CCDC198: variants seen among roughly 807,000 people sequenced by gnomAD.
The protein encoded by CCDC198 is coiled-coil domain containing 198.
In CCDC198, 18 loss-of-function variants were observed where a neutral mutation model predicts 35.6. That is an observed-to-expected ratio of 0.51 (90% confidence interval 0.35 to 0.75). CCDC198 has a LOEUF of 0.75. Among genes scored for constraint, CCDC198 ranks in the 30% least tolerant of loss-of-function variants. The pLI, the probability that CCDC198 is intolerant of heterozygous loss-of-function variation, is 0.01. For synonymous variants in CCDC198, 119 were observed against 113.4 expected (o/e 1.05, Z -0.31); for missense variants, 365 against 343.7 (o/e 1.06, Z -0.49).
chr14:57,483,330 A>C, intron 2 of CCDC198, 179 bp from the exon 3 acceptor site: 1 of 868,782 alleles, frequency 1.2e-6, no homozygotes, highest in African/African-American at 1.7e-5. Flanking sequence ...TTTTCAACCT[A>C]TCTGGGTTCT....
chr14:57,485,003 G>T (rs2067309404), intron 2 of CCDC198, among the ~76,000 whole-genome samples: 1 of 152,128 alleles, frequency 6.6e-6, no homozygotes, highest in South Asian at 2.1e-4. Flanking sequence ...GTTAGTAAAG[G>T]GGAGTAGAGT....
chr14:57,487,142 C>T (rs545598273), intron 2 of CCDC198, among the ~76,000 whole-genome samples: 16 of 152,292 alleles, frequency 1.1e-4, no homozygotes, highest in African/African-American at 3.9e-4. Flanking sequence ...TGCCTCACTT[C>T]ATCATCTTCA....
chr14:57,481,337 C>T (rs568788331), intron 4 of CCDC198, among the ~76,000 whole-genome samples: 4 of 152,256 alleles, frequency 2.6e-5, no homozygotes, highest in South Asian at 4.1e-4. Context: ...TGGAGACTTG[C>T]GACACAGATA....
chr14:57,484,432 C>G (rs2067289298), intron 2 of CCDC198, among the ~76,000 whole-genome samples: 2 of 152,260 alleles, frequency 1.3e-5, no homozygotes, highest in South Asian at 4.2e-4. Context: ...AGTCGTGGAA[C>G]AGATCTTCCT....
At chr14:57,486,677 G>A (rs2067371176) in intron 2 of CCDC198, among the ~76,000 whole-genome samples, 1 of 151,978 alleles carries the variant, frequency 6.6e-6, no homozygotes, top group South Asian at 2.1e-4. Context: ...TTTTTATGTG[G>A]AATATTTTTG....
At chr14:57,484,507 A>G (rs947539222) in intron 2 of CCDC198, among the ~76,000 whole-genome samples, 3 of 152,198 alleles carry the variant, frequency 2.0e-5, no homozygotes, top group African/African-American at 7.2e-5. Context: ...AAACTAAGGC[A>G]GGAGGGAAAG....
chr14:57,478,774 G>A (rs1454183592), intron 5 of CCDC198: 11 of 1,098,422 alleles, frequency 1.0e-5, no homozygotes, highest in African/African-American at 4.9e-5. Flanking sequence ...GATGCCCCAA[G>A]TAGATTTTCA....
At chr14:57,483,193 A>G (rs968407886) in intron 2 of CCDC198, 42 bp from the exon 3 acceptor site, 5 of 1,613,602 alleles carry the variant, frequency 3.1e-6, no homozygotes, top group Non-Finnish European at 2.5e-6. Flanking sequence ...TCCTCATGCC[A>G]TGAGATGATG....
At chr14:57,486,005 A>G (rs2067346296) in intron 2 of CCDC198, among the ~76,000 whole-genome samples, 1 of 152,174 alleles carries the variant, frequency 6.6e-6, no homozygotes, top group Non-Finnish European at 1.5e-5. Context: ...CTGCTGGCAC[A>G]AGAGGCAGCT....
chr14:57,482,734 C>T (rs2067229523), intron 3 of CCDC198, among the ~76,000 whole-genome samples: 1 of 152,144 alleles, frequency 6.6e-6, no homozygotes, highest in African/African-American at 2.4e-5. Flanking sequence ...AAAGGGAGGA[C>T]TTATGCTGAA....
intron 1 of CCDC198, among the ~76,000 whole-genome samples, chr14:57,492,613 A>G (rs2067613456): frequency 1.3e-5 from 2 of 151,958 alleles, no homozygotes; most frequent in African/African-American, 2.4e-5. Context: ...AAACAACCAA[A>G]CGTTATCAAT....
intron 1 of CCDC198, among the ~76,000 whole-genome samples, chr14:57,492,180 G>A (rs551214462): frequency 6.6e-6 from 1 of 151,842 alleles, no homozygotes; most frequent in Non-Finnish European, 1.5e-5. Flanking sequence ...CTGATTACAA[G>A]TGAAAAAAAT....
intron 3 of CCDC198, 94 bp downstream of exon 3, chr14:57,482,971 G>C: frequency 6.7e-7 from 1 of 1,498,548 alleles, no homozygotes; most frequent in South Asian, 1.1e-5. Context: ...CCTCCATGCA[G>C]AGAGTGCATG....
chr14:57,493,146 G>T (rs543780026), intron 1 of CCDC198, among the ~76,000 whole-genome samples: 2 of 152,118 alleles, frequency 1.3e-5, no homozygotes, highest in African/African-American at 4.8e-5. Flanking sequence ...ACTGAAACGC[G>T]ATTGCTATCA....
At position 57,493,740 on chromosome 14, in the gene CCDC198, A is replaced by G. The variant is rs1566598017; in HGVS notation, c.-25T>C. The G allele has an allele frequency of 1.9e-6, 3 of 1,572,250 alleles. No individual in the cohort carries two copies. The highest frequency in any genetic ancestry group is 2.7e-5 in the African/African-American group (2 of 74,384). On this transcript the variant is annotated 5_prime_UTR_variant, in exon 1 of 6. Coordinates refer to ENST00000216445, the MANE Select transcript of CCDC198 (RefSeq NM_018168.4). ...TTTCATGTGAAAGACATTCAGAGGA[A>G]AGCTGCGAGGGAAGTGGTTTTGGGG...
chr14:57,487,450 G>T (rs2067404604), intron 2 of CCDC198, among the ~76,000 whole-genome samples: 1 of 152,114 alleles, frequency 6.6e-6, no homozygotes, highest in Admixed American at 6.6e-5. Context: ...TATCCAAGGA[G>T]ATCATCTGAG....
At chr14:57,490,168 A>C (rs908849711) in intron 2 of CCDC198, among the ~76,000 whole-genome samples, 1 of 152,142 alleles carries the variant, frequency 6.6e-6, no homozygotes, top group East Asian at 1.9e-4. Flanking sequence ...ATTGTGTAGC[A>C]GGTGGGATTT....
chr14:57,481,482 T>C (rs1187905756), intron 4 of CCDC198, 77 bp downstream of exon 4: 1 of 997,946 alleles, frequency 1.0e-6, no homozygotes, highest in Non-Finnish European at 1.6e-6. Context: ...TGGCTATCTA[T>C]GCTTGATATA....
Position 57,469,436 on chromosome 14 carries a change from G to A in CCDC198, c.*1919C>T, listed in dbSNP as rs968479827. The A allele has an allele frequency of 6.6e-5, 10 of 152,200 alleles. No homozygotes were observed. The highest frequency in any genetic ancestry group is 2.1e-4 in the South Asian group (1 of 4,830). The allele number at this position is 152,200 out of a possible 1,614,324, so 9.4% of individuals were successfully genotyped here. On this transcript the variant is annotated 3_prime_UTR_variant, in exon 6 of 6. Coordinates refer to ENST00000216445, the MANE Select transcript of CCDC198 (RefSeq NM_018168.4). ...CATTAAGCTTGTGGAAGTGGGTTTCGTGAAATTGAATTTTAAGTCACATAA... is the reference window on the plus strand; with the variant it reads ...CATTAAGCTTGTGGAAGTGGGTTTCATGAAATTGAATTTTAAGTCACATAA...
Sources: allele counts gnomAD v4.1 joint callset (sites outside exome capture counted in the v4.1 genomes callset), GRCh38; gene constraint gnomAD v4.1.1; transcripts MANE v1.5; gene names NCBI Gene and HGNC (gene_info 2026-07-23, HGNC 2026-07-21).